The following KCNQ5 variants were observed in gnomAD, a reference collection of about 807,000 sequenced individuals.
KCNQ5 encodes potassium voltage-gated channel subfamily KQT member 5.
A neutral mutation model predicts 98.2 loss-of-function variants in KCNQ5; 30 were observed. That is an observed-to-expected ratio of 0.31 (90% CI 0.23 to 0.41). The LOEUF (loss-of-function observed/expected upper bound fraction) is 0.41, where lower values mean the gene tolerates loss of function less well. Ranked by LOEUF, KCNQ5 falls within the 10% of genes least tolerant of loss-of-function variation. KCNQ5 has a pLI of 1.00. For missense variants in KCNQ5, 835 were observed against 1,182.5 expected, an observed-to-expected ratio of 0.71 and a Z score of 4.31; for synonymous variants, 458 against 449.4, an observed-to-expected ratio of 1.02 and a Z score of -0.24.
intron 6 of KCNQ5, 43 bp from the exon 7 acceptor site, chr6:73,111,265 T>A (rs769642662): frequency 7.4e-7 from 1 of 1,351,234 alleles, no homozygotes; most frequent in Admixed American, 1.8e-5. Context: ...TATTTAACAG[T>A]GCTTTTGAAA....
At chr6:72,889,301 A>T (rs1158051235) in intron 1 of KCNQ5, among the ~76,000 whole-genome samples, 1 of 152,168 alleles carries the variant, frequency 6.6e-6, no homozygotes, top group Non-Finnish European at 1.5e-5. Flanking sequence ...GAACAGAATG[A>T]GGCAGAGGGG....
intron 1 of KCNQ5, among the ~76,000 whole-genome samples, chr6:72,706,217 A>G (rs929838720): frequency 6.6e-6 from 1 of 152,014 alleles, no homozygotes; most frequent in Non-Finnish European, 1.5e-5. Context: ...AAATCTAGCC[A>G]TCATTATTTC....
intron 1 of KCNQ5, among the ~76,000 whole-genome samples, chr6:72,963,054 A>G (rs903997349): frequency 4.6e-5 from 7 of 152,358 alleles, no homozygotes; most frequent in Non-Finnish European, 7.3e-5. Flanking sequence ...AAAAATAAAT[A>G]AATAAATAAA....
chr6:72,742,586 G>A (rs1771187242), intron 1 of KCNQ5, among the ~76,000 whole-genome samples: 1 of 152,060 alleles, frequency 6.6e-6, no homozygotes, highest in African/African-American at 2.4e-5. Flanking sequence ...TTCATGATGT[G>A]GCAGTGACAT....
At chr6:72,733,250 G>A (rs929433686) in intron 1 of KCNQ5, among the ~76,000 whole-genome samples, 2 of 152,108 alleles carry the variant, frequency 1.3e-5, no homozygotes, top group Admixed American at 1.3e-4. Context: ...GAATAAAGGA[G>A]ACAGAGAAGG....
intron 1 of KCNQ5, among the ~76,000 whole-genome samples, chr6:72,889,841 G>A (rs1778991302): frequency 6.6e-6 from 1 of 152,178 alleles, no homozygotes; most frequent in South Asian, 2.1e-4. Flanking sequence ...CATCCACTAT[G>A]TATCAATAAT....
chr6:72,825,735 T>C (rs1384014319), intron 1 of KCNQ5, among the ~76,000 whole-genome samples: 1 of 152,162 alleles, frequency 6.6e-6, no homozygotes, highest in Non-Finnish European at 1.5e-5. Context: ...TTTAGCCACC[T>C]AGCAATAGTT....
At chr6:72,965,170 T>C (rs1224786373) in intron 1 of KCNQ5, among the ~76,000 whole-genome samples, 1 of 152,186 alleles carries the variant, frequency 6.6e-6, no homozygotes, top group East Asian at 1.9e-4. Context: ...TGCTGTCTAC[T>C]GTTCCAAAGC....
rs981415558 is a variant in KCNQ5 at position 73,055,276 on chromosome 6, G to A, written c.616+13214G>A. ...GCTTCACCTCATTGCAGAAGAGAGC[G>A]ATCCCGACCTTCTGGACAGTGCTAG... is the stretch of plus-strand genomic sequence containing the variant. On this transcript the variant is annotated intron_variant, in intron 3 of 13. Transcript: ENST00000370398. 135 of 1,367,836 alleles carry A rather than the reference G, an allele frequency of 9.9e-5. 3 individuals are homozygous for A. The South Asian group carries it at 1.4e-3, about 15-fold the overall frequency. 84.7% of individuals were successfully genotyped at this position (1,367,836 alleles called of 1,614,324 possible).
chr6:72,703,868 C>A (rs1768945338), intron 1 of KCNQ5, among the ~76,000 whole-genome samples: 2 of 152,160 alleles, frequency 1.3e-5, no homozygotes, highest in Non-Finnish European at 1.5e-5. Context: ...TAAAACTACT[C>A]ATTCCAAGAG....
At chr6:72,755,463 T>C (rs1771913726) in intron 1 of KCNQ5, among the ~76,000 whole-genome samples, 1 of 152,148 alleles carries the variant, frequency 6.6e-6, no homozygotes, top group Non-Finnish European at 1.5e-5. Context: ...ATTTTTATGA[T>C]TCCATTTTTA....
rs146630162 is a variant in KCNQ5, at chr6:72,643,177, G to C, written c.398+20590G>C. Among the ~76,000 whole-genome samples, 142 of 152,128 alleles carry C rather than the reference G, an allele frequency of 9.3e-4. 1 individual carries two copies. Among genetic ancestry groups the C allele is most frequent in the Non-Finnish European group, 1.6e-3 (107 of 67,950 alleles). ...ATTGGGTCCTAGGCTTAGTACCTGG[G>C]TAACAAAATAAATCTGTACAACAAA... On this transcript the variant is annotated intron_variant, in intron 1 of 13. Coordinates refer to ENST00000370398, the MANE Select transcript of KCNQ5 (RefSeq NM_019842.4).
At chr6:73,051,581 C>A (rs1772236487) in intron 3 of KCNQ5, among the ~76,000 whole-genome samples, 1 of 151,984 alleles carries the variant, frequency 6.6e-6, no homozygotes, top group South Asian at 2.1e-4. Context: ...CCCAAAGTTG[C>A]AGCATACAGC....
At chr6:72,803,284 G>A (rs907709716) in intron 1 of KCNQ5, among the ~76,000 whole-genome samples, 1 of 152,138 alleles carries the variant, frequency 6.6e-6, no homozygotes, top group African/African-American at 2.4e-5. Flanking sequence ...CTGCATAATA[G>A]ACTCAACAAA....
intron 5 of KCNQ5, among the ~76,000 whole-genome samples, chr6:73,080,113 C>T (rs942019613): frequency 6.6e-6 from 1 of 152,170 alleles, no homozygotes; most frequent in Non-Finnish European, 1.5e-5. Context: ...GTGTGGGAAA[C>T]TCTTAATATA....
chr6:73,193,009 T>A (rs1394432707), intron 13 of KCNQ5, among the ~76,000 whole-genome samples: 1 of 150,354 alleles, frequency 6.7e-6, no homozygotes, highest in East Asian at 2.0e-4. Context: ...GTTTCTTTTT[T>A]AGGTCATTAA....
At chr6:72,877,241 T>A (rs1327679740) in intron 1 of KCNQ5, among the ~76,000 whole-genome samples, 1 of 151,748 alleles carries the variant, frequency 6.6e-6, no homozygotes, top group Non-Finnish European at 1.5e-5. Flanking sequence ...CAGGCCCTGG[T>A]GTGTGTTGTT....
intron 8 of KCNQ5, among the ~76,000 whole-genome samples, chr6:73,122,355 A>G (rs772712972): frequency 1.3e-5 from 2 of 152,138 alleles, no homozygotes; most frequent in Non-Finnish European, 2.9e-5. Context: ...GCCTGGAAAA[A>G]CTGTTTAATA....
rs539515727 is a variant in KCNQ5 at position 72,731,790 on chromosome 6, A to T, written c.398+109203A>T. Among the ~76,000 whole-genome samples, 9 of 152,334 alleles carry T rather than the reference A, an allele frequency of 5.9e-5. No individual in the cohort carries two copies. In the South Asian group the frequency reaches 1.9e-3, roughly 32 times the overall value. ...TCTGTTACTAAGGAACAAGGAGAGAATGGATTTTGGGGAGACAACTTCCAG... is the reference window on the plus strand; with the variant it reads ...TCTGTTACTAAGGAACAAGGAGAGATTGGATTTTGGGGAGACAACTTCCAG... On this transcript the variant is annotated intron_variant, in intron 1 of 13. Transcript: ENST00000370398.
Sources: allele counts gnomAD v4.1 joint callset (sites outside exome capture counted in the v4.1 genomes callset), GRCh38; gene constraint gnomAD v4.1.1; transcripts MANE v1.5; gene names NCBI Gene and HGNC (gene_info 2026-07-23, HGNC 2026-07-21).